The following CDH18 variants were observed in gnomAD, a reference collection of about 807,000 sequenced individuals.
The protein encoded by CDH18 is cadherin 18.
Under a neutral mutation model 67.9 loss-of-function variants are expected in CDH18, and 31 were observed. The observed-to-expected ratio is 0.46, with a 90% CI of 0.34 to 0.62. The LOEUF (loss-of-function observed/expected upper bound fraction) is 0.62. CDH18 is among the 20% of genes least tolerant of loss of function. The probability of loss-of-function intolerance (pLI) is 0.01; values close to 1 mark genes in which losing one functional copy is unlikely to be tolerated. For synonymous variants in CDH18, 362 were observed against 347.2 expected, an observed-to-expected ratio of 1.04 and a Z score of -0.48; for missense variants, 890 against 975.5, an observed-to-expected ratio of 0.91 and a Z score of 1.17.
chr5:19,938,817 T>C (rs1052126746), intron 2 of CDH18, among the ~76,000 whole-genome samples: 2 of 151,668 alleles, frequency 1.3e-5, no homozygotes, highest in East Asian at 1.9e-4. Context: ...TCAATAGTTA[T>C]AAATTTAATT....
intron 3 of CDH18, among the ~76,000 whole-genome samples, chr5:19,835,478 TGTA>T (rs1044446047): frequency 5.3e-5 from 8 of 151,874 alleles, no homozygotes; most frequent in Non-Finnish European, 1.0e-4. Flanking sequence ...TTTGTTTCTC[TGTA>T]TTTTTTTAGA....
At chr5:19,641,729 T>C (rs185475030) in intron 5 of CDH18, among the ~76,000 whole-genome samples, 1 of 152,124 alleles carries the variant, frequency 6.6e-6, no homozygotes, top group Admixed American at 6.5e-5. Context: ...TCATAATTTA[T>C]GGAAAAAATT....
In CDH18 at chr5:19,721,466, C is replaced by G; in HGVS notation, c.524G>C (p.Gly175Ala). 1 of 1,604,668 alleles carries G rather than the reference C, an allele frequency of 6.2e-7. No homozygotes were observed. Among genetic ancestry groups the G allele is most frequent in the Non-Finnish European group, 8.5e-7 (1 of 1,174,826 alleles). Residue 175 changes from glycine to alanine, a missense_variant and splice_region_variant, in exon 5 of 13, where the codon GGT becomes GCT. Physicochemically the swap from Gly to Ala is moderately conservative, Grantham distance 60 (BLOSUM62 0). Around this residue, in one of 2 missense-constraint regions of CDH18, gnomAD observed 234 missense variants for 307.4 expected, o/e 0.76. Coordinates refer to ENST00000382275, the MANE Select transcript of CDH18 (RefSeq NM_004934.5). The part of the protein sequence containing the change: ...IVTVPEMSDM[G>A]TSVLQVTATD... ...AGCTGTCACCTGTAGAACAGAGGTA[C>G]CTGTGCATTCAGGAAAACAAATTTT...
intron 2 of CDH18, among the ~76,000 whole-genome samples, chr5:20,021,571 C>A (rs1738425726): frequency 6.6e-6 from 1 of 151,940 alleles, no homozygotes; most frequent in African/African-American, 2.4e-5. Context: ...CTGTGTGGCA[C>A]CTTCCCCTTC....
chr5:19,815,843 T>C (rs1012899822), intron 3 of CDH18, among the ~76,000 whole-genome samples: 4 of 151,944 alleles, frequency 2.6e-5, no homozygotes, highest in African/African-American at 9.7e-5. Context: ...TACCCTCTGT[T>C]TCTTGTAGTT....
At chr5:19,761,487 G>A (rs1772337644) in intron 3 of CDH18, among the ~76,000 whole-genome samples, 1 of 152,046 alleles carries the variant, frequency 6.6e-6, no homozygotes, top group South Asian at 2.1e-4. Context: ...GACTATCAGT[G>A]TTCTCCATAC....
At chr5:19,729,256 CCT>C (rs1159246627) in intron 4 of CDH18, among the ~76,000 whole-genome samples, 1 of 151,952 alleles carries the variant, frequency 6.6e-6, no homozygotes, top group Non-Finnish European at 1.5e-5. Context: ...ATGTGGAAAC[CCT>C]CTGTTATAAG....
intron 2 of CDH18, among the ~76,000 whole-genome samples, chr5:19,970,821 A>C (rs1797950899): frequency 6.6e-6 from 1 of 151,248 alleles, no homozygotes; most frequent in Admixed American, 6.6e-5. Flanking sequence ...TTAAAATAAT[A>C]AAGAAGATAG....
intron 1 of CDH18, among the ~76,000 whole-genome samples, chr5:20,436,815 C>CA (rs34874505): frequency 0.24 from 33,982 of 140,868 alleles, 4,227 homozygotes; most frequent in East Asian, 0.3. Flanking sequence ...ACTAAAAAAC[C>CA]AAAAAAAAAA....
intron 4 of CDH18, 145 bp from the exon 5 acceptor site, chr5:19,721,611 C>T (rs2150579621): frequency 1.8e-6 from 1 of 564,128 alleles, no homozygotes; most frequent in Non-Finnish European, 2.9e-6. Flanking sequence ...ATGTATAAAA[C>T]ATATTACTTG....
intron 4 of CDH18, among the ~76,000 whole-genome samples, chr5:19,732,808 C>T (rs963479213): frequency 1.8e-4 from 27 of 152,066 alleles, no homozygotes; most frequent in African/African-American, 6.5e-4. Flanking sequence ...AGATTCTTTC[C>T]TTTTAACTGT....
intron 2 of CDH18, among the ~76,000 whole-genome samples, chr5:20,065,996 A>C (rs1742948759): frequency 6.6e-6 from 1 of 152,068 alleles, no homozygotes; most frequent in African/African-American, 2.4e-5. Flanking sequence ...ATTTTTATTG[A>C]TGACATTTTC....
chr5:20,395,020 A>G (rs752806938), intron 1 of CDH18, among the ~76,000 whole-genome samples: 7 of 152,222 alleles, frequency 4.6e-5, no homozygotes, highest in Non-Finnish European at 1.0e-4. Flanking sequence ...GCATTTGTGG[A>G]AAACAGTATG....
chr5:20,286,332 T>C (rs1462548079), intron 1 of CDH18, among the ~76,000 whole-genome samples: 1 of 151,668 alleles, frequency 6.6e-6, no homozygotes, highest in Non-Finnish European at 1.5e-5. Context: ...AAGATATACA[T>C]ATGATTAGCT....
rs3105780 is a variant in CDH18 at position 20,020,652 on chromosome 5, G to T, written c.-517-28638C>A. Among the ~76,000 whole-genome samples the T allele has an allele frequency of 7.5e-3, 1,142 of 152,246 alleles. 18 individuals are homozygous for T. Among genetic ancestry groups the T allele is most frequent in the African/African-American group, 0.026 (1,064 of 41,538 alleles). ...TCCACATAGTGTTAAGCCTCTGGGT[G>T]TGCCGGGGCCAAGGGTTGAGGCTTG... On this transcript the variant is annotated intron_variant, in intron 2 of 14. Transcript: ENST00000507958.
intron 2 of CDH18, among the ~76,000 whole-genome samples, chr5:19,928,456 A>G (rs962501595): frequency 5.3e-5 from 8 of 152,160 alleles, no homozygotes; most frequent in African/African-American, 1.9e-4. Flanking sequence ...CTGATTTAGA[A>G]GTCACCAAAT....
chr5:20,341,739 C>A (rs1180758127), intron 1 of CDH18, among the ~76,000 whole-genome samples: 2 of 151,650 alleles, frequency 1.3e-5, no homozygotes, highest in Non-Finnish European at 2.9e-5. Context: ...TGTGAGTAGA[C>A]CCAAAAATGC....
chr5:19,887,402 G>C (rs1046079283), intron 2 of CDH18, among the ~76,000 whole-genome samples: 2 of 151,710 alleles, frequency 1.3e-5, no homozygotes, highest in African/African-American at 2.4e-5. Flanking sequence ...CTCTCCTCAT[G>C]ATCTGTTTTG....
intron 4 of CDH18, among the ~76,000 whole-genome samples, chr5:19,722,705 T>C (rs1766266981): frequency 6.6e-6 from 1 of 151,898 alleles, no homozygotes; most frequent in African/African-American, 2.4e-5. Flanking sequence ...AAAATGTACC[T>C]GATGAATCAT....
Sources: allele counts gnomAD v4.1 joint callset (sites outside exome capture counted in the v4.1 genomes callset), GRCh38; gene constraint gnomAD v4.1.1; regional missense constraint gnomAD v4.1.1; transcripts MANE v1.5; gene names NCBI Gene and HGNC (gene_info 2026-07-23, HGNC 2026-07-21).